The following ATP8A2 variants were observed in gnomAD, a reference collection of about 807,000 sequenced individuals.
ATP8A2 encodes ATPase phospholipid transporting 8A2, also known as phospholipid-transporting ATPase IB.
Under a neutral mutation model 165.6 loss-of-function variants are expected in ATP8A2, and 100 were observed. The observed-to-expected ratio is 0.60, with a 90% CI of 0.51 to 0.71. The LOEUF (loss-of-function observed/expected upper bound fraction) is 0.71. Among genes scored for constraint, ATP8A2 ranks in the 30% least tolerant of loss-of-function variants. ATP8A2 has a pLI of 0.00. For synonymous variants in ATP8A2, 543 were observed against 548.8 expected, an observed-to-expected ratio of 0.99 and a Z score of 0.15; for missense variants, 1,227 against 1,479.5, an observed-to-expected ratio of 0.83 and a Z score of 2.80.
At chr13:25,715,072 T>C (rs2043228587) in intron 25 of ATP8A2, among the ~76,000 whole-genome samples, 1 of 152,198 alleles carries the variant, frequency 6.6e-6, no homozygotes, top group African/African-American at 2.4e-5. Context: ...TTATGAAGGG[T>C]GAAGTTGGCT....
chr13:25,548,822 A>G (rs986903231), intron 10 of ATP8A2, among the ~76,000 whole-genome samples: 2 of 152,238 alleles, frequency 1.3e-5, no homozygotes, highest in Non-Finnish European at 2.9e-5. Flanking sequence ...AATCACCAGT[A>G]CAATCCCCCA....
At chr13:25,536,908 G>A (rs777911768) in intron 6 of ATP8A2, among the ~76,000 whole-genome samples, 15 of 152,194 alleles carry the variant, frequency 9.9e-5, no homozygotes, top group African/African-American at 2.7e-4. Context: ...TTACAAGGCC[G>A]GTGGCACTGT....
At chr13:25,875,720 G>A (rs921004502) in intron 33 of ATP8A2, among the ~76,000 whole-genome samples, 3 of 149,424 alleles carry the variant, frequency 2.0e-5, no homozygotes, top group Non-Finnish European at 4.4e-5. Flanking sequence ...AGCCACATAG[G>A]TGATGTCTGT....
chr13:25,846,734 T>C (rs1362301398), intron 30 of ATP8A2, among the ~76,000 whole-genome samples: 2 of 152,042 alleles, frequency 1.3e-5, no homozygotes, highest in Non-Finnish European at 2.9e-5. Flanking sequence ...ATGATTGGAG[T>C]CCTGTTCCTG....
intron 23 of ATP8A2, among the ~76,000 whole-genome samples, chr13:25,587,060 G>A (rs565090069): frequency 1.2e-4 from 18 of 152,184 alleles, no homozygotes; most frequent in African/African-American, 3.1e-4. Flanking sequence ...TTTTATGGCC[G>A]TCTTGTTAGA....
intron 33 of ATP8A2, among the ~76,000 whole-genome samples, chr13:25,867,139 C>CTTTTTTTTTTTTTTTTTTTTT (rs11331686): frequency 7.6e-6 from 1 of 131,944 alleles, no homozygotes; most frequent in Non-Finnish European, 1.6e-5. Context: ...CTGGGACAGG[C>CTTTTTTTTTTTTTTTTTTTTT]TTTTTTTTTT....
At chr13:25,513,519 G>A (rs959330409) in intron 2 of ATP8A2, among the ~76,000 whole-genome samples, 29 of 152,014 alleles carry the variant, frequency 1.9e-4, no homozygotes, top group East Asian at 2.0e-4. Flanking sequence ...GAAGATGGGC[G>A]GCCAGGAGAG....
Position 25,953,522 on chromosome 13 carries a change from T to TAAAAAAAAAAAAAAAAAAAAAAAA in ATP8A2, c.3184-8052_3184-8029dup, listed in dbSNP as rs374397075. Among the ~76,000 whole-genome samples, 2 of 94,960 alleles carry TAAAAAAAAAAAAAAAAAAAAAAAA rather than the reference T, an allele frequency of 2.1e-5. No individual in the cohort carries two copies. Among genetic ancestry groups the TAAAAAAAAAAAAAAAAAAAAAAAA allele is most frequent in the Non-Finnish European group, 4.1e-5 (2 of 49,010 alleles). 62.3% of individuals were successfully genotyped at this position (94,960 alleles called of 152,430 possible). ...GTAGCCCTGGTTACTCCAGCCTTTTTAAAAAAAAAAAAAAAAAAAAAAAAG... is the reference window on the plus strand; with the variant it reads ...GTAGCCCTGGTTACTCCAGCCTTTTTAAAAAAAAAAAAAAAAAAAAAAAAAAAAAAAAAAAAAAAAAAAAAAAAG... On this transcript the variant is annotated intron_variant, in intron 33 of 36. Transcript: ENST00000381655. This position sits in a 1 kb window ranked among gnomAD's most constrained non-coding sequence, Gnocchi z 6.7.
At chr13:25,614,790 C>T (rs1229537940) in intron 24 of ATP8A2, among the ~76,000 whole-genome samples, 1 of 152,184 alleles carries the variant, frequency 6.6e-6, no homozygotes, top group African/African-American at 2.4e-5. Flanking sequence ...TCTAGCCACC[C>T]AGCAGAGCTG....
At chr13:25,921,274 T>C (rs2139031825) in intron 33 of ATP8A2, among the ~76,000 whole-genome samples, 1 of 152,162 alleles carries the variant, frequency 6.6e-6, no homozygotes, top group Non-Finnish European at 1.5e-5. Context: ...AGAGTACATA[T>C]CATGGACTCT....
At chr13:25,418,519 T>A (rs2034201728) in intron 1 of ATP8A2, among the ~76,000 whole-genome samples, 1 of 152,066 alleles carries the variant, frequency 6.6e-6, no homozygotes, top group African/African-American at 2.4e-5. Flanking sequence ...GACATAGCGT[T>A]AAAGAGAGAA....
At chr13:25,637,401 C>T (rs974900290) in intron 24 of ATP8A2, among the ~76,000 whole-genome samples, 2 of 152,186 alleles carry the variant, frequency 1.3e-5, no homozygotes, top group Admixed American at 1.3e-4. Context: ...AATTGGGTCA[C>T]TCCCATTCTA....
intron 25 of ATP8A2, among the ~76,000 whole-genome samples, chr13:25,732,848 A>C (rs759589762): frequency 1.7e-4 from 26 of 152,320 alleles, no homozygotes; most frequent in Non-Finnish European, 3.7e-4. Context: ...CACAGGTGTG[A>C]ATAAACCTGG....
At chr13:25,526,940 G>A (rs1202123884) in intron 2 of ATP8A2, among the ~76,000 whole-genome samples, 1 of 152,086 alleles carries the variant, frequency 6.6e-6, no homozygotes, top group Non-Finnish European at 1.5e-5. Flanking sequence ...CTGAGAGTTG[G>A]GGGAAATTTT....
intron 35 of ATP8A2, among the ~76,000 whole-genome samples, chr13:25,985,555 G>A (rs534640787): frequency 5.1e-4 from 77 of 152,318 alleles, no homozygotes; most frequent in African/African-American, 1.8e-3. Context: ...GGCAGTCATG[G>A]TCGATCAATC....
chr13:25,803,735 G>T (rs922643631), intron 27 of ATP8A2, among the ~76,000 whole-genome samples: 2 of 152,184 alleles, frequency 1.3e-5, no homozygotes, highest in African/African-American at 4.8e-5. Flanking sequence ...TCAAACTGTG[G>T]TTCACTTAGC....
At chr13:25,729,862 T>G (rs1276099855) in intron 25 of ATP8A2, among the ~76,000 whole-genome samples, 1 of 152,210 alleles carries the variant, frequency 6.6e-6, no homozygotes, top group Admixed American at 6.6e-5. Flanking sequence ...TAGCTCTCTG[T>G]GCAAATAAAT....
At chr13:25,398,884 G>GC (rs1275741268) in intron 1 of ATP8A2, among the ~76,000 whole-genome samples, 1 of 148,426 alleles carries the variant, frequency 6.7e-6, no homozygotes, top group East Asian at 2.0e-4. Context: ...GCCGTAAAAT[G>GC]TTCATCCATA....
chr13:25,851,855 GT>G (rs67014109), intron 30 of ATP8A2, among the ~76,000 whole-genome samples: 143,132 of 152,044 alleles, frequency 0.94, 67,559 homozygotes, highest in Non-Finnish European at 0.98. Context: ...TTTTAAAAAT[GT>G]TTTTTTCTTT....
Sources: gnomAD v4.1 joint callset for allele counts (sites outside exome capture counted in the v4.1 genomes callset) on GRCh38, gnomAD v4.1.1 for gene constraint, Gnocchi (gnomAD v3.1) non-coding constraint, MANE v1.5 for transcripts, NCBI Gene and HGNC (gene_info 2026-07-23, HGNC 2026-07-21) for gene names.